LRRC72: variants seen among roughly 807,000 people sequenced by gnomAD.
The protein encoded by LRRC72 is leucine-rich repeat-containing protein 72.
LRRC72 carries 41 observed loss-of-function variants against 35.8 expected under a neutral mutation model. The ratio of observed to expected loss-of-function variants is 1.15; its 90% CI spans 0.89 to 1.49. The LOEUF (loss-of-function observed/expected upper bound fraction) is 1.49, where lower values mean the gene tolerates loss of function less well. Ranked by LOEUF, LRRC72 falls within the 40% of genes most tolerant of loss-of-function variation. The pLI, the probability that LRRC72 is intolerant of heterozygous loss-of-function variation, is 0.00. For missense variants in LRRC72, 389 were observed against 330.7 expected, an observed-to-expected ratio of 1.18 and a Z score of -1.37; for synonymous variants, 118 against 119.2, an observed-to-expected ratio of 0.99 and a Z score of 0.07.
Position 16,541,944 on chromosome 7 carries a change from G to GACAGACACACACACACACAC in LRRC72, c.234+4251_234+4252insGACACACACACACACACACA, listed in dbSNP as rs1554393676. On this transcript the variant is annotated intron_variant, in intron 3 of 8. Transcript: ENST00000401542. Reference sequence around the variant, plus strand: ...ACATACACGCACACACAGACAGACAGACACACACACACACACACACACAGC... The same window carrying GACAGACACACACACACACAC: ...ACATACACGCACACACAGACAGACAGACAGACACACACACACACACACACACACACACACACACACACAGC... Among the ~76,000 whole-genome samples, 357 of 149,452 alleles carry GACAGACACACACACACACAC rather than the reference G, an allele frequency of 2.4e-3. 2 individuals are homozygous for GACAGACACACACACACACAC. The highest frequency in any genetic ancestry group is 8.4e-3 in the African/African-American group (341 of 40,752).
At chr7:16,527,627 A>C (rs1782093714) in intron 1 of LRRC72, among the ~76,000 whole-genome samples, 1 of 152,224 alleles carries the variant, frequency 6.6e-6, no homozygotes, top group East Asian at 1.9e-4. Flanking sequence ...GGTGGGGAAA[A>C]AAAAATCTCA....
chr7:16,551,300 C>T lies in LRRC72; in HGVS notation c.235-6060C>T, dbSNP rs1411689988. 2.0e-5 allele frequency among the ~76,000 whole-genome samples: 3 copies of T among 152,238 alleles called. No individual in the cohort carries two copies. In the East Asian group the frequency reaches 5.8e-4, roughly 29 times the overall value. On this transcript the variant is annotated intron_variant, in intron 3 of 8. Transcript: ENST00000401542. Reference sequence around the variant, plus strand: ...ACTATTTGGGTTTAACGGACATAGTCCCTGTGATGTTATGAAATATATGTT... The same window carrying T: ...ACTATTTGGGTTTAACGGACATAGTTCCTGTGATGTTATGAAATATATGTT...
chr7:16,527,164 A>G, intron 1 of LRRC72, 122 bp downstream of exon 1: 1 of 715,982 alleles, frequency 1.4e-6, no homozygotes, highest in Non-Finnish European at 2.3e-6. Flanking sequence ...TAGCCTGAAG[A>G]CGGAGATAGG....
At chr7:16,546,842 G>A (rs781599352) in intron 3 of LRRC72, among the ~76,000 whole-genome samples, 1 of 152,040 alleles carries the variant, frequency 6.6e-6, no homozygotes. Flanking sequence ...CCTCCACAAG[G>A]CCTACTCTGT....
chr7:16,539,151 G>A (rs1261655645), intron 3 of LRRC72, among the ~76,000 whole-genome samples: 1 of 152,214 alleles, frequency 6.6e-6, no homozygotes, highest in African/African-American at 2.4e-5. Flanking sequence ...TTGTTGAATG[G>A]TTTTGACCAC....
At chr7:16,554,544 A>G (rs1303210511) in intron 3 of LRRC72, among the ~76,000 whole-genome samples, 2 of 152,088 alleles carry the variant, frequency 1.3e-5, no homozygotes, top group African/African-American at 4.8e-5. Flanking sequence ...GATTTAGGGA[A>G]ACGCCCTCCT....
At chr7:16,540,827 G>C (rs1345798352) in intron 3 of LRRC72, among the ~76,000 whole-genome samples, 2 of 151,628 alleles carry the variant, frequency 1.3e-5, no homozygotes, top group African/African-American at 4.9e-5. Context: ...AGCTTCCTGA[G>C]GCCTTCCCAG....
intron 5 of LRRC72, among the ~76,000 whole-genome samples, chr7:16,565,538 T>A (rs180809866): frequency 2.0e-4 from 31 of 152,296 alleles, no homozygotes; most frequent in South Asian, 1.5e-3. Context: ...TATCTTTTTT[T>A]AAAAATAAAG....
rs1782279635 is a variant in LRRC72 at position 16,537,635 on chromosome 7, C to G, written c.173C>G (p.Thr58Arg). 6.6e-7 allele frequency: 1 copy of G among 1,523,882 alleles called. No homozygotes were observed. Among genetic ancestry groups the G allele is most frequent in the African/African-American group, 1.4e-5 (1 of 71,884 alleles). The allele number at this position is 1,523,882 out of a possible 1,614,324, so 94.4% of individuals were successfully genotyped here. A position where few individuals can be genotyped will look rare whatever the true frequency, so the allele number is the denominator to read the frequency against. The change falls in exon 3 of 9, where the codon ACA (threonine) becomes AGA (arginine). Residue 58 changes from threonine to arginine, a missense_variant. Physicochemically the swap from Thr to Arg is moderately conservative, Grantham distance 71 (BLOSUM62 -1). Coordinates refer to ENST00000401542, the MANE Select transcript of LRRC72 (RefSeq NM_001195280.2). ...TTTTTTTTTCTTTCCAGGGAACTGA[C>G]AGAGGTCATTGATCTTTCTAGGTTT... The part of the protein sequence containing the change: ...FELFLSKKEL[T>R]EVIDLSRFKK...
rs1475051526 is a variant in LRRC72, at chr7:16,532,505, A to G, written c.101A>G (p.Asp34Gly). 1 of 1,549,912 alleles carries G rather than the reference A, an allele frequency of 6.5e-7. No homozygotes were observed. The highest frequency in any genetic ancestry group is 1.4e-5 in the African/African-American group (1 of 73,166). The change falls in exon 2 of 9, where the codon GAT becomes GGT. Residue 34 changes from aspartate to glycine, a missense_variant. Transcript: ENST00000401542. ...ATTATATGTTATCAGGCAGTTGAAG[A>G]TCAGCTAAAGATATGTGGCCACAGG... ...ALQSSRRAVE[D>G]QLKICGHRRD...
intron 2 of LRRC72, 186 bp downstream of exon 2, chr7:16,532,754 A>T: frequency 1.6e-6 from 1 of 626,370 alleles, no homozygotes; most frequent in Non-Finnish European, 2.9e-6. Flanking sequence ...AATTGATTAA[A>T]AAAAAAAAAA....
intron 3 of LRRC72, among the ~76,000 whole-genome samples, chr7:16,540,973 C>G (rs1316565105): frequency 6.6e-6 from 1 of 152,120 alleles, no homozygotes; most frequent in Non-Finnish European, 1.5e-5. Flanking sequence ...TGTCAGGCAC[C>G]AGGCCACCAT....
intron 8 of LRRC72, among the ~76,000 whole-genome samples, chr7:16,580,616 C>A (rs985037058): frequency 1.2e-4 from 18 of 152,120 alleles, no homozygotes; most frequent in East Asian, 3.9e-4. Flanking sequence ...TGAACTCCAG[C>A]CTGGGTGACA....
intron 3 of LRRC72, among the ~76,000 whole-genome samples, chr7:16,550,106 C>A (rs912729894): frequency 6.6e-6 from 1 of 151,978 alleles, no homozygotes; most frequent in African/African-American, 2.4e-5. Context: ...GTAGTCCCAG[C>A]TACTTGGGAT....
chr7:16,554,899 G>T (rs1349549037), intron 3 of LRRC72, among the ~76,000 whole-genome samples: 1 of 152,224 alleles, frequency 6.6e-6, no homozygotes, highest in East Asian at 1.9e-4. Context: ...TTAATGTGTG[G>T]TTGGCAGGTA....
chr7:16,567,290 A>G, intron 6 of LRRC72, 101 bp from the exon 7 acceptor site: 1 of 861,668 alleles, frequency 1.2e-6, no homozygotes, highest in Admixed American at 3.6e-5. Context: ...CTCATATATC[A>G]TAGTTTAGAT....
intron 7 of LRRC72, among the ~76,000 whole-genome samples, chr7:16,568,635 C>G (rs1562752066): frequency 6.6e-6 from 1 of 152,044 alleles, no homozygotes. Flanking sequence ...CTTAGACTGA[C>G]CAGACAATTA....
intron 7 of LRRC72, among the ~76,000 whole-genome samples, chr7:16,576,017 G>A (rs892622337): frequency 1.3e-5 from 2 of 152,122 alleles, no homozygotes; most frequent in African/African-American, 4.8e-5. Context: ...ATCAGGAGCA[G>A]AAAAGATAGG....
chr7:16,541,194 T>C (rs555047481), intron 3 of LRRC72, among the ~76,000 whole-genome samples: 1 of 152,334 alleles, frequency 6.6e-6, no homozygotes, highest in South Asian at 2.1e-4. Context: ...GACTAGGTTG[T>C]TTGCAACTTT....
Sources: gnomAD v4.1 joint callset for allele counts (sites outside exome capture counted in the v4.1 genomes callset) on GRCh38, gnomAD v4.1.1 for gene constraint, MANE v1.5 for transcripts, NCBI Gene and HGNC (gene_info 2026-07-23, HGNC 2026-07-21) for gene names.